Variants in GLB1L2 observed in about 807,000 individuals in gnomAD.
The protein encoded by GLB1L2 is beta-galactosidase-1-like protein 2.
A neutral mutation model predicts 84.1 loss-of-function variants in GLB1L2; 68 were observed. The ratio of observed to expected loss-of-function variants is 0.81; its 90% CI spans 0.67 to 0.99. The LOEUF is 0.99. Among genes scored for constraint, GLB1L2 ranks in the 50% least tolerant of loss-of-function variants. The pLI is 0.00. For synonymous variants in GLB1L2, 290 were observed against 318.0 expected, an observed-to-expected ratio of 0.91 and a Z score of 0.94; for missense variants, 762 against 805.6, an observed-to-expected ratio of 0.95 and a Z score of 0.66.
intron 4 of GLB1L2, among the ~76,000 whole-genome samples, chr11:134,346,160 C>G (rs563645521): frequency 8.9e-4 from 135 of 152,304 alleles, no homozygotes; most frequent in African/African-American, 3.2e-3. Flanking sequence ...CTCCTGGTTT[C>G]CAGCATGACC....
rs754241077 is a variant in GLB1L2, at chr11:134,364,383, T to C, written c.789T>C (p.Phe263=). ...STHELQLLTT[F]LFNVQGTQPK... is the part of the protein sequence containing the mutation. ...ACGAGCTGCAGCTACTGACCACCTT[T>C]CTCTTCAACGTCCAGGTAAGTCCAG... Residue 263 remains phenylalanine (F), a synonymous_variant, in exon 8 of 19, where the codon TTT becomes TTC. Transcript: ENST00000535456. 8 of 1,613,960 alleles carry C rather than the reference T, an allele frequency of 5.0e-6. No individual in the cohort carries two copies. Among genetic ancestry groups the C allele is most frequent in the Admixed American group, 1.7e-5 (1 of 60,012 alleles).
rs182859600 is a variant in GLB1L2 at position 134,338,100 on chromosome 11, C to T, written c.87-4654C>T. Among the ~76,000 whole-genome samples the T allele has an allele frequency of 2.9e-3, 444 of 152,272 alleles. 4 individuals carry two copies. The highest frequency in any genetic ancestry group is 0.01 in the African/African-American group (423 of 41,546). ...TGCGTGAGTGCTGCCTGGTCTCCAC[C>T]GGCGGTCATCGTACTCCGGATGTTC... On this transcript the variant is annotated intron_variant, in intron 1 of 18. Coordinates refer to ENST00000535456, the MANE Select transcript of GLB1L2 (RefSeq NM_001370461.1). The surrounding 1 kb of genome is among the most constrained non-coding windows in gnomAD (Gnocchi z 6.2).
chr11:134,362,555 G>A (rs1326247448), intron 7 of GLB1L2, among the ~76,000 whole-genome samples: 3 of 152,208 alleles, frequency 2.0e-5, no homozygotes, highest in Non-Finnish European at 2.9e-5. Flanking sequence ...CTCACTTGTC[G>A]GAGTGTGGGG....
intron 1 of GLB1L2, among the ~76,000 whole-genome samples, chr11:134,332,642 A>G (rs1444422076): frequency 1.3e-5 from 2 of 152,236 alleles, no homozygotes; most frequent in Admixed American, 1.3e-4. Context: ...GCAGGGTCGT[A>G]AGAACAGTGT....
chr11:134,366,856 G>T (rs1209811688), intron 8 of GLB1L2, among the ~76,000 whole-genome samples: 2 of 152,082 alleles, frequency 1.3e-5, no homozygotes, highest in Non-Finnish European at 1.5e-5. Context: ...ACCCAGGGTG[G>T]GGGGGAGGGA....
chr11:134,344,415 G>T lies in GLB1L2; in HGVS notation c.313G>T (p.Glu105Ter). Residue 105 changes from glutamate (E) to a stop codon, truncating the protein, a stop_gained, in exon 3 of 19, where the codon GAA becomes TAA. Coordinates refer to ENST00000535456, the MANE Select transcript of GLB1L2 (RefSeq NM_001370461.1). LOFTEE classifies it high-confidence loss of function. Reference sequence around the variant, plus strand: ...TGTTCCGTGGAACCTGCATGAGCCAGAAAGAGGCAAATTTGACTTCTCTGG... The same window carrying T: ...TGTTCCGTGGAACCTGCATGAGCCATAAAGAGGCAAATTTGACTTCTCTGG... ...TYVPWNLHEP[E>*]RGKFDFSGNL... 1 of 1,613,410 alleles carries T rather than the reference G, an allele frequency of 6.2e-7. No homozygotes were observed. The highest frequency in any genetic ancestry group is 8.5e-7 in the Non-Finnish European group (1 of 1,180,030).
intron 14 of GLB1L2, 61 bp from the exon 15 acceptor site, chr11:134,371,691 C>A: frequency 6.4e-7 from 1 of 1,559,790 alleles, no homozygotes; most frequent in Non-Finnish European, 8.8e-7. Context: ...GGTCCACAAG[C>A]AAATTCTGAG....
Position 134,367,274 on chromosome 11 carries a change from G to A in GLB1L2, c.822G>A (p.Met274Ile), listed in dbSNP as rs1484078761. ...GTGTCCAGGGGACTCAGCCCAAGAT[G>A]GTGATGGAGTACTGGACGGGGTGGT... ...LFNVQGTQPK[M>I]VMEYWTGWFD... is the part of the protein sequence containing the mutation. Residue 274 changes from methionine to isoleucine, a missense_variant, in exon 9 of 19, where the codon ATG becomes ATA. Physicochemically the swap from Met to Ile is conservative, Grantham distance 10. Around this residue, in one of 3 missense-constraint regions of GLB1L2, gnomAD observed 603 missense variants for 611.7 expected, o/e 0.99. Coordinates refer to ENST00000535456, the MANE Select transcript of GLB1L2 (RefSeq NM_001370461.1). 3 of 1,614,046 alleles carry A rather than the reference G, an allele frequency of 1.9e-6. No individual in the cohort carries two copies. The highest frequency in any genetic ancestry group is 3.3e-5 in the Admixed American group (2 of 60,002).
chr11:134,373,865 G>C (rs1943989863), intron 16 of GLB1L2, 57 bp downstream of exon 16: 1 of 1,253,232 alleles, frequency 8.0e-7, no homozygotes, highest in African/African-American at 1.5e-5. Flanking sequence ...TGTGTGGTGG[G>C]GCCCAGGGGT....
At chr11:134,373,866 G>A in intron 16 of GLB1L2, 58 bp downstream of exon 16, 12 of 1,232,176 alleles carry the variant, frequency 9.7e-6, no homozygotes, top group South Asian at 2.6e-5. Flanking sequence ...GTGTGGTGGG[G>A]CCCAGGGGTC....
At chr11:134,362,342 TTCCCCGGCGCTGCCCGCGTG>T (rs1300648071) in intron 7 of GLB1L2, among the ~76,000 whole-genome samples, 1 of 151,092 alleles carries the variant, frequency 6.6e-6, no homozygotes, top group African/African-American at 2.4e-5. Context: ...CCCGCGTTCC[TTCCCCGGCGCTGCCCGCGTG>T]TTTTTCTGCT....
intron 1 of GLB1L2, 52 bp from the exon 2 acceptor site, chr11:134,342,702 A>C: frequency 6.4e-7 from 1 of 1,554,746 alleles, no homozygotes; most frequent in Non-Finnish European, 8.8e-7. Flanking sequence ...GAGGAAGCCG[A>C]TCTCTCTGCG....
At chr11:134,363,908 C>T (rs1350814548) in intron 7 of GLB1L2, among the ~76,000 whole-genome samples, 1 of 152,158 alleles carries the variant, frequency 6.6e-6, no homozygotes, top group African/African-American at 2.4e-5. Flanking sequence ...GACACAGTCT[C>T]ACTCTGTCAC....
At position 134,373,823 on chromosome 11, in the gene GLB1L2, AG is replaced by A; in HGVS notation, c.1595+16del. The stretch of plus-strand genomic sequence containing the variant: ...TTCTTTCAGAGGTGGGTCCCTGCCC[AG>A]CACCAGCCCTTGCACTCACAGGTAT... On this transcript the variant is annotated intron_variant, in intron 16 of 18. Transcript: ENST00000535456. 6.4e-7 allele frequency: 1 copy of A among 1,552,840 alleles called. No individual in the cohort carries two copies. The highest frequency in any genetic ancestry group is 1.4e-5 in the African/African-American group (1 of 73,764).
In GLB1L2 at chr11:134,375,055, G is replaced by A; in HGVS notation, c.1908G>A (p.Lys636=). The A allele has an allele frequency of 6.2e-7, 1 of 1,613,162 alleles. No homozygotes were observed. ...ACCTGGGCAGGAACCAGTACATTAA[G>A]TGAGCGGTGGCACCCCCTCCTGCTG... ...TPHLGRNQYI[K] Residue 636 remains lysine, a synonymous_variant, in exon 19 of 19, where the codon AAG becomes AAA. Transcript: ENST00000535456.
At chr11:134,347,505 C>T (rs1943569136) in intron 5 of GLB1L2, 72 bp downstream of exon 5, 2 of 1,067,122 alleles carry the variant, frequency 1.9e-6, no homozygotes, top group African/African-American at 1.5e-5. Flanking sequence ...TTGGTTAGTT[C>T]TCAGACCAAG....
chr11:134,361,866 G>A (rs541734238), intron 7 of GLB1L2, among the ~76,000 whole-genome samples: 3 of 152,266 alleles, frequency 2.0e-5, no homozygotes, highest in Admixed American at 6.5e-5. Context: ...TTGCTGCTTC[G>A]GCACAGGGGA....
intron 5 of GLB1L2, among the ~76,000 whole-genome samples, chr11:134,351,578 C>T (rs1022410140): frequency 6.6e-6 from 1 of 152,132 alleles, no homozygotes; most frequent in African/African-American, 2.4e-5. Context: ...CTTCTGACCT[C>T]AGGTGATCCA....
chr11:134,351,651 G>C (rs958533839), intron 5 of GLB1L2, among the ~76,000 whole-genome samples: 1 of 152,120 alleles, frequency 6.6e-6, no homozygotes, highest in East Asian at 1.9e-4. Flanking sequence ...GGCCTACATT[G>C]ATTGCTTTTC....
Sources: allele counts gnomAD v4.1 joint callset (sites outside exome capture counted in the v4.1 genomes callset), GRCh38; gene constraint gnomAD v4.1.1; regional missense constraint gnomAD v4.1.1; non-coding constraint Gnocchi (gnomAD v3.1); transcripts MANE v1.5; gene names NCBI Gene and HGNC (gene_info 2026-07-23, HGNC 2026-07-21).